ZNF462: variants seen among roughly 807,000 people sequenced by gnomAD.
The protein encoded by ZNF462 is zinc finger protein 462.
A neutral mutation model predicts 201.9 loss-of-function variants in ZNF462; 10 were observed. The observed-to-expected ratio is 0.05, with a 90% CI of 0.03 to 0.08. The LOEUF (loss-of-function observed/expected upper bound fraction) is 0.08, where lower values mean the gene tolerates loss of function less well. Among genes scored for constraint, ZNF462 ranks in the 10% least tolerant of loss-of-function variants. The probability of loss-of-function intolerance (pLI) is 1.00; values close to 1 mark genes in which losing one functional copy is unlikely to be tolerated. For missense variants in ZNF462, 2,523 were observed against 3,168.3 expected (o/e 0.80, Z 4.89); for synonymous variants, 1,227 against 1,193.3 (o/e 1.03, Z -0.58).
Position 106,984,931 on chromosome 9 carries a change from G to A in ZNF462, c.7056+522G>A, listed in dbSNP as rs929798229. 3.9e-5 allele frequency among the ~76,000 whole-genome samples: 6 copies of A among 152,022 alleles called. No homozygotes were observed. The highest frequency in any genetic ancestry group is 2.6e-4 in the Admixed American group (4 of 15,256). ...TCAAGACCAGCCTGGGCAACATGGC[G>A]AAACCCCATCTCTACAAAAAATACA... On this transcript the variant is annotated intron_variant, in intron 10 of 12. Coordinates refer to ENST00000277225, the MANE Select transcript of ZNF462 (RefSeq NM_021224.6). This position sits in a 1 kb window ranked among gnomAD's most constrained non-coding sequence, Gnocchi z 6.4.
chr9:106,982,457 T>C (rs924616824), intron 9 of ZNF462, among the ~76,000 whole-genome samples: 7 of 152,194 alleles, frequency 4.6e-5, no homozygotes, highest in Admixed American at 2.0e-4. Context: ...CATGAGCTCC[T>C]TAAGATTTAC....
At position 106,895,276 on chromosome 9, in the gene ZNF462, T is replaced by C. The variant is rs1828761166; in HGVS notation, c.-30-28078T>C. On this transcript the variant is annotated intron_variant, in intron 1 of 12. Coordinates refer to ENST00000277225, the MANE Select transcript of ZNF462 (RefSeq NM_021224.6). This position sits in a 1 kb window ranked among gnomAD's most constrained non-coding sequence, Gnocchi z 4.4. ...CCACAGCTCATTAGTTAACTCTGGA[T>C]GGGTCAGAAAGTGGTGACCTGGTTA... 6.6e-6 allele frequency among the ~76,000 whole-genome samples: 1 copy of C among 152,210 alleles called. No individual in the cohort carries two copies. Among genetic ancestry groups the C allele is most frequent in the African/African-American group, 2.4e-5 (1 of 41,452 alleles).
At chr9:106,863,618 A>G (rs1403400620) in intron 1 of ZNF462, among the ~76,000 whole-genome samples, 1 of 149,814 alleles carries the variant, frequency 6.7e-6, no homozygotes, top group Non-Finnish European at 1.5e-5. Context: ...AGGAGGAGGA[A>G]GAGGAGGAGA....
chr9:106,949,635 C>T (rs187909833), intron 7 of ZNF462, among the ~76,000 whole-genome samples: 106 of 152,290 alleles, frequency 7.0e-4, no homozygotes, highest in African/African-American at 2.4e-3. Context: ...TCTGCCACCT[C>T]TTCAGAGTAC....
At chr9:106,894,833 G>A (rs1428159696) in intron 1 of ZNF462, among the ~76,000 whole-genome samples, 1 of 152,216 alleles carries the variant, frequency 6.6e-6, no homozygotes, top group South Asian at 2.1e-4. Flanking sequence ...GTTTTATATT[G>A]ATAAATATTG....
chr9:107,011,984 T>A lies in ZNF462; in HGVS notation c.*954T>A, dbSNP rs1829945078. 6.6e-6 allele frequency: 1 copy of A among 152,144 alleles called. No individual in the cohort carries two copies. The highest frequency in any genetic ancestry group is 1.9e-4 in the East Asian group (1 of 5,194). 9.4% of individuals were successfully genotyped at this position (152,144 alleles called of 1,614,324 possible). A position where few individuals can be genotyped will look rare whatever the true frequency, so the allele number is the denominator to read the frequency against. On this transcript the variant is annotated 3_prime_UTR_variant, in exon 13 of 13. Coordinates refer to ENST00000277225, the MANE Select transcript of ZNF462 (RefSeq NM_021224.6). This position sits in a 1 kb window ranked among gnomAD's most constrained non-coding sequence, Gnocchi z 5.6. ...ACACAGCACAATTCAGTTTTTCATATGAATTGTTTTTCGTGTGTGTGTTGT... is the reference window on the plus strand; with the variant it reads ...ACACAGCACAATTCAGTTTTTCATAAGAATTGTTTTTCGTGTGTGTGTTGT...
intron 1 of ZNF462, among the ~76,000 whole-genome samples, chr9:106,900,728 TG>T (rs1350618284): frequency 6.6e-6 from 1 of 152,168 alleles, no homozygotes; most frequent in African/African-American, 2.4e-5. Flanking sequence ...TACTTTTTGA[TG>T]GGATTGTTGT....
At chr9:106,897,799 G>A (rs965421496) in intron 1 of ZNF462, among the ~76,000 whole-genome samples, 1 of 152,176 alleles carries the variant, frequency 6.6e-6, no homozygotes, top group African/African-American at 2.4e-5. Flanking sequence ...TAGGGAAGGA[G>A]AATAGAGAGG....
At chr9:106,960,016 A>T (rs1831756873) in intron 7 of ZNF462, among the ~76,000 whole-genome samples, 1 of 152,084 alleles carries the variant, frequency 6.6e-6, no homozygotes, top group Non-Finnish European at 1.5e-5. Context: ...AGGTGAAAAT[A>T]AAAGAAAAAA....
At chr9:106,990,666 A>G (rs1462402585) in intron 10 of ZNF462, among the ~76,000 whole-genome samples, 1 of 151,948 alleles carries the variant, frequency 6.6e-6, no homozygotes, top group Non-Finnish European at 1.5e-5. Flanking sequence ...TCCAGTGAGC[A>G]CCTAATTGAA....
chr9:106,958,402 T>G (rs528682275), intron 7 of ZNF462, among the ~76,000 whole-genome samples: 231 of 152,238 alleles, frequency 1.5e-3, no homozygotes, highest in Non-Finnish European at 2.4e-3. Context: ...TCACCACTTC[T>G]TCCCTTGCAC....
At position 106,977,598 on chromosome 9, in the gene ZNF462, G is replaced by C. The variant is rs1052815788; in HGVS notation, c.6832+3325G>C. On this transcript the variant is annotated intron_variant, in intron 9 of 12. Coordinates refer to ENST00000277225, the MANE Select transcript of ZNF462 (RefSeq NM_021224.6). This position sits in a 1 kb window ranked among gnomAD's most constrained non-coding sequence, Gnocchi z 4.6. ...CAAACATTCATTATTTGCTTGTTACGTGCCACGCTATGCTTGGTTCTTTGG... is the reference window on the plus strand; with the variant it reads ...CAAACATTCATTATTTGCTTGTTACCTGCCACGCTATGCTTGGTTCTTTGG... Among the ~76,000 whole-genome samples, 2 of 151,536 alleles carry C rather than the reference G, an allele frequency of 1.3e-5. No homozygotes were observed. The highest frequency in any genetic ancestry group is 2.9e-5 in the Non-Finnish European group (2 of 68,028).
intron 10 of ZNF462, among the ~76,000 whole-genome samples, chr9:106,996,936 G>GGTGAGACAA (rs1486191822): frequency 6.6e-6 from 1 of 152,094 alleles, no homozygotes; most frequent in East Asian, 1.9e-4. Context: ...TAAGCAACTA[G>GGTGAGACAA]GTGAGACAAG....
chr9:106,965,818 T>C (rs2131961164), intron 7 of ZNF462, among the ~76,000 whole-genome samples: 1 of 152,242 alleles, frequency 6.6e-6, no homozygotes, highest in East Asian at 1.9e-4. Context: ...TACAGATTCC[T>C]GGATCACTGT....
chr9:106,965,883 G>T (rs542086580), intron 7 of ZNF462, among the ~76,000 whole-genome samples: 1 of 152,232 alleles, frequency 6.6e-6, no homozygotes, highest in African/African-American at 2.4e-5. Context: ...TTTATTAGCA[G>T]TTGTATAATA....
chr9:106,956,109 C>G (rs1161568985), intron 7 of ZNF462, among the ~76,000 whole-genome samples: 1 of 152,102 alleles, frequency 6.6e-6, no homozygotes, highest in Non-Finnish European at 1.5e-5. Context: ...TTTACTTTGC[C>G]TAAGTCAGAA....
At chr9:106,944,580 CAA>C (rs1221459940) in intron 7 of ZNF462, among the ~76,000 whole-genome samples, 3 of 152,152 alleles carry the variant, frequency 2.0e-5, no homozygotes, top group African/African-American at 7.2e-5. Flanking sequence ...TGGAAACATT[CAA>C]AGTCTGCTCT....
chr9:106,999,671 G>A (rs1829033776), intron 10 of ZNF462, among the ~76,000 whole-genome samples: 1 of 152,172 alleles, frequency 6.6e-6, no homozygotes, highest in Non-Finnish European at 1.5e-5. Context: ...ATAATCTACA[G>A]ATAGAGAACA....
At chr9:106,879,573 T>A (rs1828000963) in intron 1 of ZNF462, among the ~76,000 whole-genome samples, 1 of 152,076 alleles carries the variant, frequency 6.6e-6, no homozygotes, top group South Asian at 2.1e-4. Context: ...GGAGCATCTT[T>A]GTGCTTGAGA....
Sources: gnomAD v4.1 joint callset for allele counts (sites outside exome capture counted in the v4.1 genomes callset) on GRCh38, gnomAD v4.1.1 for gene constraint, Gnocchi (gnomAD v3.1) non-coding constraint, MANE v1.5 for transcripts, NCBI Gene and HGNC (gene_info 2026-07-23, HGNC 2026-07-21) for gene names.